RMND1: variants seen among roughly 807,000 people sequenced by gnomAD.
The protein encoded by RMND1 is required for meiotic nuclear division protein 1 homolog.
In RMND1, 41 loss-of-function variants were observed where a neutral mutation model predicts 54.0. The ratio of observed to expected loss-of-function variants is 0.76; its 90% confidence interval spans 0.59 to 0.98. RMND1 has a LOEUF of 0.98. Among genes scored for constraint, RMND1 ranks in the 50% least tolerant of loss-of-function variants. RMND1 has a pLI of 0.00. For missense variants in RMND1, 457 were observed against 532.0 expected, an observed-to-expected ratio of 0.86 and a Z score of 1.39; for synonymous variants, 183 against 181.7, an observed-to-expected ratio of 1.01 and a Z score of -0.06.
chr6:151,449,060 C>CA (rs71014585), intron 1 of RMND1, among the ~76,000 whole-genome samples: 3,141 of 18,638 alleles, frequency 0.17, 951 homozygotes, highest in Admixed American at 0.22. Flanking sequence ...GACTCTGTCT[C>CA]AAAAAAAAAA....
At chr6:151,426,727 T>C (rs1780306720) in intron 6 of RMND1, among the ~76,000 whole-genome samples, 1 of 152,172 alleles carries the variant, frequency 6.6e-6, no homozygotes. Context: ...TATCTTCTAA[T>C]ATTTATTATA....
At chr6:151,416,580 T>C (rs1299452773) in intron 10 of RMND1, 1 of 152,142 alleles carries the variant, frequency 6.6e-6, no homozygotes, top group Non-Finnish European at 1.5e-5. Context: ...AATGCCACCA[T>C]GCCTGGCTAA....
At chr6:151,437,217 C>CAGGT (rs1481767169) in intron 2 of RMND1, among the ~76,000 whole-genome samples, 14 of 152,146 alleles carry the variant, frequency 9.2e-5, no homozygotes, top group Admixed American at 7.9e-4. Flanking sequence ...AGTCACAACA[C>CAGGT]ATTAGTGAGT....
Position 151,445,660 on chromosome 6 carries a change from T to A in RMND1, c.152A>T (p.Asp51Val). 1.9e-6 allele frequency: 3 copies of A among 1,614,190 alleles called. No homozygotes were observed. The highest frequency in any genetic ancestry group is 2.5e-6 in the Non-Finnish European group (3 of 1,180,012). ...CSTLTIRQSL[D>V]LFLPDKTASG... The stretch of plus-strand genomic sequence containing the variant: ...AGCTGTTTTATCAGGAAGGAACAAA[T>A]CCAAGCTTTGACGTATTGTCAGTGT... Residue 51 changes from aspartate (D) to valine (V), a missense_variant, in exon 2 of 12, where the codon GAT (aspartate) becomes GTT (valine). Coordinates refer to ENST00000444024, the MANE Select transcript of RMND1 (RefSeq NM_017909.4).
chr6:151,448,517 A>G (rs1433711174), intron 1 of RMND1, among the ~76,000 whole-genome samples: 1 of 152,204 alleles, frequency 6.6e-6, no homozygotes, highest in Non-Finnish European at 1.5e-5. Context: ...CTGCTAAGCC[A>G]AAAACGTGGG....
intron 1 of RMND1, among the ~76,000 whole-genome samples, chr6:151,449,060 C>CAAAAAAAAAAAAAA (rs71014585): frequency 3.8e-4 from 7 of 18,662 alleles, no homozygotes; most frequent in African/African-American, 1.7e-3. Flanking sequence ...GACTCTGTCT[C>CAAAAAAAAAAAAAA]AAAAAAAAAA....
chr6:151,429,465 A>G (rs540445160), intron 5 of RMND1, among the ~76,000 whole-genome samples: 11 of 152,272 alleles, frequency 7.2e-5, no homozygotes, highest in Admixed American at 2.6e-4. Context: ...TATATAGGCA[A>G]TCTCCCAGAA....
intron 10 of RMND1, among the ~76,000 whole-genome samples, chr6:151,413,253 TTTTTTC>T (rs1367655019): frequency 2.0e-5 from 3 of 152,158 alleles, no homozygotes; most frequent in African/African-American, 7.2e-5. Flanking sequence ...GTGGTGTTTC[TTTTTTC>T]TTTTTATTTT....
chr6:151,415,648 C>T (rs1319500424), intron 10 of RMND1, among the ~76,000 whole-genome samples: 2 of 151,896 alleles, frequency 1.3e-5, no homozygotes, highest in East Asian at 3.9e-4. Context: ...AAAAAATTAG[C>T]TGGGCTTGGT....
intron 2 of RMND1, among the ~76,000 whole-genome samples, chr6:151,437,847 A>T (rs910196103): frequency 6.6e-6 from 1 of 152,228 alleles, no homozygotes; most frequent in Non-Finnish European, 1.5e-5. Context: ...AAGGTAGAGG[A>T]ATAACAGAGA....
At chr6:151,408,266 A>C (rs1050021169) in intron 10 of RMND1, among the ~76,000 whole-genome samples, 3 of 152,112 alleles carry the variant, frequency 2.0e-5, no homozygotes, top group Non-Finnish European at 2.9e-5. Context: ...AGGCCAAGGC[A>C]GGCGGATCAC....
chr6:151,419,068 C>G (rs1014013655), intron 9 of RMND1, among the ~76,000 whole-genome samples: 1 of 147,382 alleles, frequency 6.8e-6, no homozygotes, highest in Admixed American at 6.8e-5. Flanking sequence ...CCGTGCCCAG[C>G]CTTTTTCTTT....
intron 11 of RMND1, 31 bp downstream of exon 11, chr6:151,405,689 C>G (rs748528221): frequency 1.9e-6 from 2 of 1,061,282 alleles, no homozygotes; most frequent in South Asian, 1.3e-5. Context: ...AAGATGGTAA[C>G]TGATCATAGT....
intron 10 of RMND1, among the ~76,000 whole-genome samples, chr6:151,406,798 G>GT (rs1779639988): frequency 6.6e-6 from 1 of 152,144 alleles, no homozygotes; most frequent in Non-Finnish European, 1.5e-5. Context: ...TGAATCACAG[G>GT]TACGTGTTCA....
chr6:151,406,666 T>A (rs1562780459), intron 10 of RMND1, among the ~76,000 whole-genome samples: 1 of 152,110 alleles, frequency 6.6e-6, no homozygotes, highest in East Asian at 1.9e-4. Context: ...TGATAACTGT[T>A]AAATACCTAC....
At chr6:151,432,870 G>A (rs1780486706) in intron 4 of RMND1, among the ~76,000 whole-genome samples, 1 of 152,092 alleles carries the variant, frequency 6.6e-6, no homozygotes, top group South Asian at 2.1e-4. Flanking sequence ...GAAATTGGCT[G>A]CTTTCCAGAA....
intron 1 of RMND1, among the ~76,000 whole-genome samples, chr6:151,450,775 GA>G (rs1446253670): frequency 7.9e-5 from 12 of 152,138 alleles, no homozygotes; most frequent in African/African-American, 1.9e-4. Context: ...GAAAGGGGGG[GA>G]AAAGATTGAG....
intron 2 of RMND1, 185 bp downstream of exon 2, chr6:151,445,123 A>G: frequency 5.3e-6 from 3 of 569,930 alleles, no homozygotes; most frequent in Non-Finnish European, 8.9e-6. Context: ...TATATGTATC[A>G]TTAATTGTTA....
chr6:151,431,080 G>A (rs1780436278), intron 4 of RMND1, among the ~76,000 whole-genome samples: 1 of 152,036 alleles, frequency 6.6e-6, no homozygotes, highest in Admixed American at 6.6e-5. Context: ...TATACCATGA[G>A]ATGTACACCA....
Sources: allele counts gnomAD v4.1 joint callset (sites outside exome capture counted in the v4.1 genomes callset), GRCh38; gene constraint gnomAD v4.1.1; transcripts MANE v1.5; gene names NCBI Gene and HGNC (gene_info 2026-07-23, HGNC 2026-07-21).